CD200R1L: variants seen among roughly 807,000 people sequenced by gnomAD.
CD200R1L encodes the protein cell surface glycoprotein CD200 receptor 2.
In CD200R1L, 14 loss-of-function variants were observed where a neutral mutation model predicts 24.8. That is an observed-to-expected ratio of 0.56 (90% CI 0.37 to 0.88). The LOEUF is 0.88. Among genes scored for constraint, CD200R1L ranks in the 40% least tolerant of loss-of-function variants. CD200R1L has a pLI of 0.00. For missense variants in CD200R1L, 299 were observed against 297.8 expected (o/e 1.00, Z -0.03); for synonymous variants, 111 against 109.2 (o/e 1.02, Z -0.11).
intron 3 of CD200R1L, among the ~76,000 whole-genome samples, chr3:112,834,206 A>AAGT (rs1472357964): frequency 6.7e-6 from 1 of 149,494 alleles, no homozygotes. Flanking sequence ...CAAGGAGTAG[A>AAGT]AGTGGGGTAG....
chr3:112,819,831 AAGAG>A lies in CD200R1L; in HGVS notation c.677_680del (p.Ser226PhefsTer17), dbSNP rs757447990. ...CTGTGGTGACCAGAATGACCACAAA[AAGAG>A]AGAGTTTCACATAAAGAATGATCAG... On this transcript the variant is annotated frameshift_variant, in exon 7 of 8. Transcript: ENST00000488794. LOFTEE classifies it high-confidence loss of function. The A allele has an allele frequency of 1.2e-6, 2 of 1,611,790 alleles. No individual in the cohort carries two copies. Among genetic ancestry groups the A allele is most frequent in the Non-Finnish European group, 1.7e-6 (2 of 1,179,256 alleles).
Position 112,819,985 on chromosome 3 carries a change from T to G in CD200R1L, c.617-90A>C. 2.5e-6 allele frequency: 3 copies of G among 1,209,322 alleles called. No homozygotes were observed. In the South Asian group the frequency reaches 5.1e-5, roughly 21 times the overall value. 74.9% of individuals were successfully genotyped at this position (1,209,322 alleles called of 1,614,324 possible). A position where few individuals can be genotyped will look rare whatever the true frequency, so the allele number is the denominator to read the frequency against. On this transcript the variant is annotated intron_variant, in intron 6 of 7. Transcript: ENST00000488794. ...TCATTTTAAAGAACATTTTAAAATA[T>G]TCTTAAGAGTTCATGGACTGTCATA...
At chr3:112,822,846 C>T (rs1169140327) in intron 6 of CD200R1L, among the ~76,000 whole-genome samples, 1 of 152,158 alleles carries the variant, frequency 6.6e-6, no homozygotes, top group Non-Finnish European at 1.5e-5. Context: ...GTACATTAGC[C>T]TTTTTCCTTG....
At position 112,819,884 on chromosome 3, in the gene CD200R1L, A is replaced by C; in HGVS notation, c.628T>G (p.Ser210Ala). 6.3e-7 allele frequency: 1 copy of C among 1,597,920 alleles called. No homozygotes were observed. The highest frequency in any genetic ancestry group is 8.5e-7 in the Non-Finnish European group (1 of 1,175,130). The change falls in exon 7 of 8, where the codon TCA becomes GCA. Residue 210 changes from serine to alanine, a missense_variant. Coordinates refer to ENST00000488794, the MANE Select transcript of CD200R1L (RefSeq NM_001199215.3). The stretch of plus-strand genomic sequence containing the variant: ...AGTAAGGACAACGCTGGAGATCCTG[A>C]GGTTCTGAGACCTTTAAATACAGAC... ...SVKLNSGLRT[S>A]GSPALSLLII... is the part of the protein sequence containing the mutation.
chr3:112,827,720 C>G (rs375528566), intron 4 of CD200R1L, 36 bp from the exon 5 acceptor site: 1 of 1,567,652 alleles, frequency 6.4e-7, no homozygotes, highest in Admixed American at 1.8e-5. Flanking sequence ...ATATAGAAAA[C>G]CTTGATAAGG....
chr3:112,822,196 C>T (rs1271849326), intron 6 of CD200R1L, among the ~76,000 whole-genome samples: 1 of 152,164 alleles, frequency 6.6e-6, no homozygotes, highest in Non-Finnish European at 1.5e-5. Flanking sequence ...GTCTTTGTCC[C>T]CCAGTTCCTG....
chr3:112,824,835 T>C (rs1938619873), intron 6 of CD200R1L, among the ~76,000 whole-genome samples: 1 of 152,094 alleles, frequency 6.6e-6, no homozygotes, highest in East Asian at 1.9e-4. Flanking sequence ...CAAGAGAATA[T>C]CATCCCAGAG....
rs1487994493 is a variant in CD200R1L, at chr3:112,815,893, A to G, written c.*70T>C. On this transcript the variant is annotated 3_prime_UTR_variant, in exon 8 of 8. Transcript: ENST00000488794. ...CATGGCCCAAGTTCACTGCTGGACC[A>G]TCACTCATCTCACCAATGTTGCAGT... is the stretch of plus-strand genomic sequence containing the variant. The G allele has an allele frequency of 1.3e-6, 1 of 776,050 alleles. No individual in the cohort carries two copies. Among genetic ancestry groups the G allele is most frequent in the Non-Finnish European group, 2.4e-6 (1 of 415,994 alleles). 48.1% of individuals were successfully genotyped at this position (776,050 alleles called of 1,614,324 possible).
At chr3:112,846,310 T>C (rs1939200613) in intron 1 of CD200R1L, among the ~76,000 whole-genome samples, 1 of 152,244 alleles carries the variant, frequency 6.6e-6, no homozygotes, top group Non-Finnish European at 1.5e-5. Flanking sequence ...TTCACATGCA[T>C]GAAATTCTTT....
intron 4 of CD200R1L, among the ~76,000 whole-genome samples, chr3:112,829,003 T>C (rs1363150053): frequency 6.6e-6 from 1 of 152,210 alleles, no homozygotes. Context: ...CTTTAACCCT[T>C]ATATTTGACA....
chr3:112,824,003 A>G (rs1446389944), intron 6 of CD200R1L, among the ~76,000 whole-genome samples: 4 of 152,198 alleles, frequency 2.6e-5, no homozygotes, highest in South Asian at 2.1e-4. Flanking sequence ...GAAGAGTGGC[A>G]TTTTAGAAAG....
At chr3:112,816,194 A>G (rs1313784998) in intron 7 of CD200R1L, among the ~76,000 whole-genome samples, 1 of 152,196 alleles carries the variant, frequency 6.6e-6, no homozygotes, top group Non-Finnish European at 1.5e-5. Flanking sequence ...ACAATTGCTT[A>G]TATGCCTGGG....
intron 6 of CD200R1L, 106 bp from the exon 7 acceptor site, chr3:112,820,001 G>T: frequency 4.8e-6 from 5 of 1,036,220 alleles, no homozygotes; most frequent in Non-Finnish European, 5.5e-6. Context: ...AGAGTTCATG[G>T]ACTGTCATAA....
chr3:112,832,967 A>G (rs1938846972), intron 3 of CD200R1L, among the ~76,000 whole-genome samples: 2 of 152,202 alleles, frequency 1.3e-5, no homozygotes, highest in East Asian at 1.9e-4. Context: ...AAAAAGTGAG[A>G]GTTATTATGA....
chr3:112,834,936 A>G (rs556302172), intron 3 of CD200R1L, among the ~76,000 whole-genome samples: 1 of 152,274 alleles, frequency 6.6e-6, no homozygotes, highest in South Asian at 2.1e-4. Flanking sequence ...GACACCAGGA[A>G]CTGCAGAGCC....
rs764506882 is a variant in CD200R1L at position 112,845,697 on chromosome 3, T to C, written c.-105A>G. ...GACTTACCAGACACCATGATAATGA[T>C]GGAAATCAGTAATCTTGGAGCTGAC... is the stretch of plus-strand genomic sequence containing the variant. On this transcript the variant is annotated 5_prime_UTR_variant, in exon 2 of 8. Transcript: ENST00000488794. 20 of 1,613,570 alleles carry C rather than the reference T, an allele frequency of 1.2e-5. No individual in the cohort carries two copies. The highest frequency in any genetic ancestry group is 4.4e-5 in the South Asian group (4 of 91,044).
At chr3:112,831,576 T>G (rs981474580) in intron 3 of CD200R1L, among the ~76,000 whole-genome samples, 1 of 152,226 alleles carries the variant, frequency 6.6e-6, no homozygotes, top group South Asian at 2.1e-4. Context: ...AAAGTCATAC[T>G]TGAGCGGCAT....
At chr3:112,844,240 A>G (rs1939145725) in intron 2 of CD200R1L, among the ~76,000 whole-genome samples, 1 of 152,192 alleles carries the variant, frequency 6.6e-6, no homozygotes, top group African/African-American at 2.4e-5. Context: ...ACCACAGAAT[A>G]TCCATTTTTC....
intron 3 of CD200R1L, among the ~76,000 whole-genome samples, chr3:112,834,502 G>A (rs1938885737): frequency 6.6e-6 from 1 of 152,132 alleles, no homozygotes; most frequent in Non-Finnish European, 1.5e-5. Flanking sequence ...TAGTATACCA[G>A]TAGGCACAAA....
Sources: gnomAD v4.1 joint callset for allele counts (sites outside exome capture counted in the v4.1 genomes callset) on GRCh38, gnomAD v4.1.1 for gene constraint, MANE v1.5 for transcripts, NCBI Gene and HGNC (gene_info 2026-07-23, HGNC 2026-07-21) for gene names.